Variants in ZFPM2 observed in about 807,000 individuals in gnomAD.
ZFPM2 encodes the protein zinc finger protein, FOG family member 2, also known as zinc finger protein ZFPM2.
A neutral mutation model predicts 98.6 loss-of-function variants in ZFPM2; 20 were observed. The ratio of observed to expected loss-of-function variants is 0.20; its 90% CI spans 0.14 to 0.29. The LOEUF (loss-of-function observed/expected upper bound fraction) is 0.29. Ranked by LOEUF, ZFPM2 falls within the 10% of genes least tolerant of loss-of-function variation. The pLI is 1.00. For synonymous variants in ZFPM2, 518 were observed against 502.7 expected (o/e 1.03, Z -0.41); for missense variants, 1,310 against 1,388.6 (o/e 0.94, Z 0.90).
intron 2 of ZFPM2, among the ~76,000 whole-genome samples, chr8:105,436,810 G>A (rs1812128640): frequency 2.0e-5 from 3 of 152,144 alleles, no homozygotes; most frequent in African/African-American, 7.2e-5. Context: ...TTGATGTGAT[G>A]TTTATAAAGC....
intron 1 of ZFPM2, among the ~76,000 whole-genome samples, chr8:105,353,235 T>G (rs2129721738): frequency 6.6e-6 from 1 of 152,270 alleles, no homozygotes; most frequent in East Asian, 1.9e-4. Flanking sequence ...CACCCCATAC[T>G]CTCATACTGC....
At chr8:105,410,889 T>C (rs1463141280) in intron 1 of ZFPM2, among the ~76,000 whole-genome samples, 1 of 151,850 alleles carries the variant, frequency 6.6e-6, no homozygotes. Flanking sequence ...TTTTGATGTT[T>C]TTGTTGTGGT....
At chr8:105,330,613 CATAT>C (rs56037877) in intron 1 of ZFPM2, among the ~76,000 whole-genome samples, 2,661 of 90,660 alleles carry the variant, frequency 0.029, 181 homozygotes, top group African/African-American at 0.089. Flanking sequence ...TATATATACA[CATAT>C]ATATATATAT....
intron 3 of ZFPM2, among the ~76,000 whole-genome samples, chr8:105,447,595 C>T (rs981747502): frequency 1.3e-5 from 2 of 152,046 alleles, no homozygotes; most frequent in Admixed American, 6.6e-5. Context: ...AAACAGATTT[C>T]GATTTCAAGG....
intron 3 of ZFPM2, among the ~76,000 whole-genome samples, chr8:105,486,089 T>G (rs1202222716): frequency 1.3e-5 from 2 of 152,054 alleles, no homozygotes; most frequent in Non-Finnish European, 2.9e-5. Flanking sequence ...GAAATGGATC[T>G]TTCTGGTTGT....
intron 5 of ZFPM2, among the ~76,000 whole-genome samples, chr8:105,636,439 C>A (rs1816848224): frequency 2.6e-5 from 4 of 152,108 alleles, no homozygotes; most frequent in Admixed American, 1.3e-4. Context: ...ACCTTGAATT[C>A]TCTTCTTGAT....
chr8:105,605,631 C>T (rs931614697), intron 4 of ZFPM2, among the ~76,000 whole-genome samples: 11 of 152,024 alleles, frequency 7.2e-5, no homozygotes, highest in African/African-American at 2.7e-4. Flanking sequence ...TTTAAGGCTT[C>T]CTGAGTATGA....
intron 4 of ZFPM2, among the ~76,000 whole-genome samples, chr8:105,592,057 A>C: frequency 6.7e-6 from 1 of 150,102 alleles, no homozygotes; most frequent in Admixed American, 6.6e-5. Flanking sequence ...GCATTATGAA[A>C]ACCCTCTGAA....
At chr8:105,710,838 A>G (rs1811375146) in intron 5 of ZFPM2, among the ~76,000 whole-genome samples, 1 of 152,032 alleles carries the variant, frequency 6.6e-6, no homozygotes, top group Non-Finnish European at 1.5e-5. Flanking sequence ...TTTCCTCATC[A>G]TTGAAGTGGT....
intron 3 of ZFPM2, among the ~76,000 whole-genome samples, chr8:105,492,105 T>C (rs561530019): frequency 1.3e-5 from 2 of 152,290 alleles, no homozygotes; most frequent in South Asian, 2.1e-4. Context: ...ATAATCCTTA[T>C]GGAAGAGATA....
chr8:105,436,238 G>T (rs1045501186), intron 2 of ZFPM2, among the ~76,000 whole-genome samples: 2 of 152,060 alleles, frequency 1.3e-5, no homozygotes, highest in Non-Finnish European at 2.9e-5. Flanking sequence ...ATATGCAAGT[G>T]CCTGGGCGCG....
intron 1 of ZFPM2, among the ~76,000 whole-genome samples, chr8:105,372,397 AT>A (rs1432536608): frequency 6.6e-6 from 1 of 152,294 alleles, no homozygotes; most frequent in African/African-American, 2.4e-5. Flanking sequence ...AATGTTAGCA[AT>A]TTGTAATTCT....
chr8:105,803,699 G>A lies in ZFPM2; in HGVS notation c.*161G>A, dbSNP rs1214151035. 2.9e-6 allele frequency: 2 copies of A among 678,658 alleles called. No homozygotes were observed. Among genetic ancestry groups the A allele is most frequent in the East Asian group, 2.8e-5 (1 of 36,150 alleles). 42.0% of individuals were successfully genotyped at this position (678,658 alleles called of 1,614,324 possible). A position where few individuals can be genotyped will look rare whatever the true frequency, so the allele number is the denominator to read the frequency against. On this transcript the variant is annotated 3_prime_UTR_variant, in exon 8 of 8. Transcript: ENST00000407775. ...GGTGTAATTTCATTACAGTCCATTA[G>A]TAAAGTGTATTATTGGTGCCATTTT...
intron 1 of ZFPM2, among the ~76,000 whole-genome samples, chr8:105,320,403 A>C (rs1812003260): frequency 6.6e-6 from 1 of 151,910 alleles, no homozygotes. Flanking sequence ...ACTGGACTTC[A>C]CTTTTGGCTC....
chr8:105,701,017 T>C (rs147812537), intron 5 of ZFPM2, among the ~76,000 whole-genome samples: 2,891 of 152,338 alleles, frequency 0.019, 89 homozygotes, highest in African/African-American at 0.064. Flanking sequence ...TAGTGTGTTT[T>C]GTTGGTATTT....
intron 5 of ZFPM2, among the ~76,000 whole-genome samples, chr8:105,640,090 A>G (rs1450410387): frequency 6.6e-6 from 1 of 152,056 alleles, no homozygotes; most frequent in Non-Finnish European, 1.5e-5. Context: ...AATTCATGAT[A>G]TCGAAACAGT....
chr8:105,525,486 G>T (rs996488), intron 3 of ZFPM2, among the ~76,000 whole-genome samples: 69,831 of 152,062 alleles, frequency 0.46, 16,467 homozygotes, highest in African/African-American at 0.57. Flanking sequence ...ATTAAACAGT[G>T]ATTTGACAGA....
At chr8:105,370,830 T>A (rs1476396377) in intron 1 of ZFPM2, among the ~76,000 whole-genome samples, 1 of 152,230 alleles carries the variant, frequency 6.6e-6, no homozygotes, top group African/African-American at 2.4e-5. Context: ...GGAATCTAGC[T>A]GGTAATGTAC....
At chr8:105,362,389 T>G (rs1034833954) in intron 1 of ZFPM2, among the ~76,000 whole-genome samples, 1 of 151,996 alleles carries the variant, frequency 6.6e-6, no homozygotes, top group African/African-American at 2.4e-5. Flanking sequence ...TAATACTGAT[T>G]GTATTGGATT....
Sources: gnomAD v4.1 joint callset for allele counts (sites outside exome capture counted in the v4.1 genomes callset) on GRCh38, gnomAD v4.1.1 for gene constraint, MANE v1.5 for transcripts, NCBI Gene and HGNC (gene_info 2026-07-23, HGNC 2026-07-21) for gene names.